Variants in LHFPL6 observed in about 807,000 individuals in gnomAD.
LHFPL6 encodes the protein LHFPL tetraspan subfamily member 6.
LHFPL6 carries 9 observed loss-of-function variants against 20.6 expected under a neutral mutation model. The observed-to-expected ratio is 0.44, with a 90% CI of 0.26 to 0.76. The LOEUF is 0.76. LHFPL6 is among the 30% of genes least tolerant of loss of function. LHFPL6 has a pLI of 0.20. For missense variants in LHFPL6, 218 were observed against 253.5 expected (o/e 0.86, Z 0.95); for synonymous variants, 105 against 98.7 (o/e 1.06, Z -0.38).
At chr13:39,403,792 AC>A in intron 2 of LHFPL6, among the ~76,000 whole-genome samples, 1 of 152,282 alleles carries the variant, frequency 6.6e-6, no homozygotes, top group Admixed American at 6.5e-5. Context: ...TGTTGGACAT[AC>A]CCCCACCACT....
intron 2 of LHFPL6, among the ~76,000 whole-genome samples, chr13:39,518,912 C>A (rs1439076724): frequency 6.6e-6 from 1 of 152,146 alleles, no homozygotes; most frequent in African/African-American, 2.4e-5. Context: ...AGTTAATAAG[C>A]CAGATATTAA....
intron 2 of LHFPL6, among the ~76,000 whole-genome samples, chr13:39,543,382 T>C (rs1455507026): frequency 6.6e-6 from 1 of 152,172 alleles, no homozygotes; most frequent in Non-Finnish European, 1.5e-5. Flanking sequence ...ACATTCTTTG[T>C]GTTTGGTTTT....
intron 2 of LHFPL6, among the ~76,000 whole-genome samples, chr13:39,507,166 C>T (rs1247154412): frequency 6.6e-6 from 1 of 152,180 alleles, no homozygotes; most frequent in Non-Finnish European, 1.5e-5. Flanking sequence ...GTGTGCAATG[C>T]ATTAAGAATT....
chr13:39,458,468 G>A (rs938216056), intron 2 of LHFPL6, among the ~76,000 whole-genome samples: 6 of 152,040 alleles, frequency 3.9e-5, no homozygotes, highest in African/African-American at 1.4e-4. Flanking sequence ...AGGCTGAGGT[G>A]GGTGGATCAC....
At chr13:39,490,593 C>A (rs1057256974) in intron 2 of LHFPL6, among the ~76,000 whole-genome samples, 1 of 152,202 alleles carries the variant, frequency 6.6e-6, no homozygotes, top group Admixed American at 6.5e-5. Flanking sequence ...GCTACTAATG[C>A]TACATCTGTG....
At chr13:39,579,427 G>A (rs1872213328) in intron 2 of LHFPL6, among the ~76,000 whole-genome samples, 1 of 152,158 alleles carries the variant, frequency 6.6e-6, no homozygotes, top group Non-Finnish European at 1.5e-5. Flanking sequence ...CCATGACATA[G>A]AGGTATATAC....
intron 2 of LHFPL6, among the ~76,000 whole-genome samples, chr13:39,550,159 T>G (rs757886819): frequency 1.3e-5 from 2 of 152,132 alleles, no homozygotes; most frequent in African/African-American, 4.8e-5. Context: ...AAGCTCTTTT[T>G]AATAAAAAAG....
At chr13:39,468,380 A>T (rs986762204) in intron 2 of LHFPL6, among the ~76,000 whole-genome samples, 1 of 152,038 alleles carries the variant, frequency 6.6e-6, no homozygotes, top group African/African-American at 2.4e-5. Context: ...TAATCATTTG[A>T]TCCCAAAGAA....
chr13:39,531,233 T>G (rs1254171692), intron 2 of LHFPL6, among the ~76,000 whole-genome samples: 1 of 152,190 alleles, frequency 6.6e-6, no homozygotes, highest in Non-Finnish European at 1.5e-5. Context: ...CCTAGTGACA[T>G]GACTATTAGG....
intron 2 of LHFPL6, among the ~76,000 whole-genome samples, chr13:39,536,313 T>C (rs1171997806): frequency 2.0e-5 from 3 of 152,140 alleles, no homozygotes; most frequent in Admixed American, 6.5e-5. Flanking sequence ...CCACTTGCTT[T>C]TGATGGCCAC....
At chr13:39,399,747 A>C (rs516214) in intron 2 of LHFPL6, among the ~76,000 whole-genome samples, 127,829 of 152,204 alleles carry the variant, frequency 0.84, 53,969 homozygotes, top group African/African-American at 0.92. Context: ...CTGAAAGGAG[A>C]TGAAGGGGAT....
At chr13:39,600,117 A>G (rs1187934293) in intron 2 of LHFPL6, among the ~76,000 whole-genome samples, 1 of 152,242 alleles carries the variant, frequency 6.6e-6, no homozygotes, top group Non-Finnish European at 1.5e-5. Context: ...AGGGAATCCA[A>G]GTAAAAATCA....
chr13:39,557,339 T>G (rs926199602), intron 2 of LHFPL6, among the ~76,000 whole-genome samples: 5 of 152,214 alleles, frequency 3.3e-5, no homozygotes, highest in African/African-American at 1.2e-4. Context: ...GTGTTAAGCC[T>G]GTAGGCCTAT....
At chr13:39,354,490 C>A (rs538112168) in intron 3 of LHFPL6, among the ~76,000 whole-genome samples, 2 of 152,180 alleles carry the variant, frequency 1.3e-5, no homozygotes, top group Non-Finnish European at 2.9e-5. Flanking sequence ...AGAGGGTCTC[C>A]TTACTTCCAA....
chr13:39,394,528 A>T lies in LHFPL6; in HGVS notation c.386-16002T>A, dbSNP rs538951477. Among the ~76,000 whole-genome samples, 180 of 152,334 alleles carry T rather than the reference A, an allele frequency of 1.2e-3. 4 individuals carry two copies. The South Asian group carries it at 0.037, about 31-fold the overall frequency. On this transcript the variant is annotated intron_variant, in intron 2 of 3. Coordinates refer to ENST00000379589, the MANE Select transcript of LHFPL6 (RefSeq NM_005780.3). The stretch of plus-strand genomic sequence containing the variant: ...CATGAAAATATTCCTAAAATCAAAG[A>T]GTAGTGAACTCATACCTTAAGTCAG...
At chr13:39,544,337 A>T (rs1194763286) in intron 2 of LHFPL6, among the ~76,000 whole-genome samples, 1 of 152,244 alleles carries the variant, frequency 6.6e-6, no homozygotes, top group African/African-American at 2.4e-5. Context: ...GCAGGAAATT[A>T]GCTCATTTGA....
intron 2 of LHFPL6, among the ~76,000 whole-genome samples, chr13:39,427,017 C>A (rs1871658391): frequency 6.7e-6 from 1 of 149,974 alleles, no homozygotes; most frequent in African/African-American, 2.5e-5. Flanking sequence ...AAAAAATATT[C>A]TTTCTCCACT....
rs1244563173 is a variant in LHFPL6 at position 39,454,349 on chromosome 13, G to A, written c.386-75823C>T. On this transcript the variant is annotated intron_variant, in intron 2 of 3. Coordinates refer to ENST00000379589, the MANE Select transcript of LHFPL6 (RefSeq NM_005780.3). The stretch of plus-strand genomic sequence containing the variant: ...CGTTTCCTTAAGAGTTGTAATTGGG[G>A]CCGGGCGCGGTGGCTCACGCCTGTA... Among the ~76,000 whole-genome samples the A allele has an allele frequency of 3.9e-5, 4 of 101,462 alleles. 1 individual carries two copies. Among genetic ancestry groups the A allele is most frequent in the African/African-American group, 2.0e-4 (4 of 20,354 alleles). 66.6% of individuals were successfully genotyped at this position (101,462 alleles called of 152,430 possible).
At chr13:39,411,119 T>C (rs1871233501) in intron 2 of LHFPL6, among the ~76,000 whole-genome samples, 1 of 152,206 alleles carries the variant, frequency 6.6e-6, no homozygotes, top group Admixed American at 6.5e-5. Flanking sequence ...TATGCGTGAA[T>C]AACCTGTTTA....
Sources: allele counts gnomAD v4.1 joint callset (sites outside exome capture counted in the v4.1 genomes callset), GRCh38; gene constraint gnomAD v4.1.1; transcripts MANE v1.5; gene names NCBI Gene and HGNC (gene_info 2026-07-23, HGNC 2026-07-21).